PRKCZ: variants seen among roughly 807,000 people sequenced by gnomAD.
The protein encoded by PRKCZ is protein kinase C zeta type.
In PRKCZ, 33 loss-of-function variants were observed where a neutral mutation model predicts 79.5. The ratio of observed to expected loss-of-function variants is 0.41; its 90% confidence interval spans 0.31 to 0.55. The LOEUF (loss-of-function observed/expected upper bound fraction) is 0.55. Ranked by LOEUF, PRKCZ falls within the 20% of genes least tolerant of loss-of-function variation. PRKCZ has a pLI of 0.19. For missense variants in PRKCZ, 578 were observed against 813.5 expected (o/e 0.71, Z 3.52); for synonymous variants, 342 against 320.9 (o/e 1.07, Z -0.70).
intron 4 of PRKCZ, among the ~76,000 whole-genome samples, chr1:2,081,239 C>T (rs1224930984): frequency 6.6e-6 from 1 of 152,216 alleles, no homozygotes; most frequent in African/African-American, 2.4e-5. Flanking sequence ...CAATTTCATA[C>T]TTGGGTTAGA....
chr1:2,115,063 C>CA (rs1670483852), intron 4 of PRKCZ, among the ~76,000 whole-genome samples: 1 of 152,282 alleles, frequency 6.6e-6, no homozygotes, highest in East Asian at 1.9e-4. Flanking sequence ...GAGGTGACCC[C>CA]AGGCGTAACC....
chr1:2,133,518 C>T (rs557079042), intron 4 of PRKCZ: 15 of 147,284 alleles, frequency 1.0e-4, no homozygotes, highest in African/African-American at 3.8e-4. Context: ...GTGCGCCCGC[C>T]CCTTGGTTCC....
At chr1:2,147,721 T>A (rs1014539485) in intron 7 of PRKCZ, among the ~76,000 whole-genome samples, 46 of 130,298 alleles carry the variant, frequency 3.5e-4, no homozygotes, top group African/African-American at 7.0e-4. Context: ...ATCTGTCTGT[T>A]GTCCACTGAC....
At chr1:2,081,075 C>CGTGCT (rs1371588096) in intron 4 of PRKCZ, among the ~76,000 whole-genome samples, 4 of 152,228 alleles carry the variant, frequency 2.6e-5, no homozygotes, top group African/African-American at 9.6e-5. Flanking sequence ...CCTCTTCCCC[C>CGTGCT]GTGCTGTCCT....
At chr1:2,184,038 C>A in intron 16 of PRKCZ, 1 of 154,170 alleles carries the variant, frequency 6.5e-6, no homozygotes, top group Non-Finnish European at 1.4e-5. Context: ...TCTGCCCTCC[C>A]CGGCACAGGC....
chr1:2,174,900 C>A lies in PRKCZ; in HGVS notation c.1485+67C>A. 6.6e-7 allele frequency: 1 copy of A among 1,521,878 alleles called. No homozygotes were observed. Among genetic ancestry groups the A allele is most frequent in the Non-Finnish European group, 9.1e-7 (1 of 1,099,392 alleles). The allele number at this position is 1,521,878 out of a possible 1,614,324, so 94.3% of individuals were successfully genotyped here. On this transcript the variant is annotated intron_variant, in intron 15 of 17. Transcript: ENST00000378567. This position sits in a 1 kb window ranked among gnomAD's most constrained non-coding sequence, Gnocchi z 6.2. ...CGGTGTTGGTGGGCAGAGGGCCAGGCACGGCTGTTGGCCATTTTTTCATGT... is the reference window on the plus strand; with the variant it reads ...CGGTGTTGGTGGGCAGAGGGCCAGGAACGGCTGTTGGCCATTTTTTCATGT...
At chr1:2,109,750 T>G (rs1045046630) in intron 4 of PRKCZ, among the ~76,000 whole-genome samples, 1 of 152,086 alleles carries the variant, frequency 6.6e-6, no homozygotes, top group Admixed American at 6.5e-5. Flanking sequence ...CAGCCCAGCC[T>G]GTAGAGGCAG....
At chr1:2,074,894 A>G (rs1192147461) in intron 4 of PRKCZ, 16 of 151,906 alleles carry the variant, frequency 1.1e-4, no homozygotes, top group Admixed American at 1.0e-3. Context: ...CCAAAACAAC[A>G]ACCAGCCTCC....
chr1:2,052,882 A>T (rs1320592222), intron 1 of PRKCZ, among the ~76,000 whole-genome samples: 1 of 152,088 alleles, frequency 6.6e-6, no homozygotes, highest in Non-Finnish European at 1.5e-5. Flanking sequence ...AGTCACCCCC[A>T]TGGGGCATGG....
chr1:2,155,910 G>C (rs540482116), intron 9 of PRKCZ, 85 bp from the exon 10 acceptor site: 2 of 1,160,792 alleles, frequency 1.7e-6, no homozygotes, highest in East Asian at 4.7e-5. Context: ...GGAGGAAAGA[G>C]ACTCCTCCCT....
At chr1:2,097,652 T>C (rs1345568225) in intron 4 of PRKCZ, among the ~76,000 whole-genome samples, 2 of 151,956 alleles carry the variant, frequency 1.3e-5, no homozygotes, top group Non-Finnish European at 2.9e-5. Context: ...CCCCAGCCCA[T>C]GCACCCCGGA....
At chr1:2,104,704 C>T (rs955102755) in intron 4 of PRKCZ, 19 of 985,660 alleles carry the variant, frequency 1.9e-5, no homozygotes, top group South Asian at 9.4e-5. Context: ...CCTGCCCTGG[C>T]GAGGGGTGGT....
intron 3 of PRKCZ, among the ~76,000 whole-genome samples, chr1:2,059,052 C>CA (rs1660438397): frequency 6.6e-6 from 1 of 152,192 alleles, no homozygotes; most frequent in Non-Finnish European, 1.5e-5. Flanking sequence ...ATCTCGGCCT[C>CA]CCAAAGTGCT....
In PRKCZ at chr1:2,168,886, T is replaced by G; in HGVS notation, c.975-632T>G. The stretch of plus-strand genomic sequence containing the variant: ...GAGTCTCATGAAATGTAGGAAAAGA[T>G]CTTATTAGGAAGAGAAACCATGTGG... On this transcript the variant is annotated intron_variant, in intron 10 of 17. Coordinates refer to ENST00000378567, the MANE Select transcript of PRKCZ (RefSeq NM_002744.6). This position sits in a 1 kb window ranked among gnomAD's most constrained non-coding sequence, Gnocchi z 4.7. 4.2e-6 allele frequency: 1 copy of G among 239,634 alleles called. No individual in the cohort carries two copies. Among genetic ancestry groups the G allele is most frequent in the Non-Finnish European group, 8.7e-6 (1 of 114,680 alleles). 14.8% of individuals were successfully genotyped at this position (239,634 alleles called of 1,614,324 possible).
At chr1:2,069,159 C>T (rs554292471) in intron 4 of PRKCZ, among the ~76,000 whole-genome samples, 46 of 152,362 alleles carry the variant, frequency 3.0e-4, no homozygotes, top group African/African-American at 9.9e-4. Flanking sequence ...CCGGCACCTC[C>T]GTCAGCCCCG....
In PRKCZ at chr1:2,150,965, T is replaced by C. The variant is rs1186953168; in HGVS notation, c.863T>C (p.Val288Ala). ...YAMKVVKKEL[V>A]HDDEDIDWVQ... ...ATGAAAGTGGTGAAGAAAGAGCTGG[T>C]GCATGATGACGAGGTAGGTGCCGCT... Residue 288 changes from valine (V) to alanine (A), a missense_variant, in exon 9 of 18, where the codon GTG (valine) becomes GCG (alanine). Around this residue, in one of 4 missense-constraint regions of PRKCZ, gnomAD observed 243 missense variants for 467.0 expected, o/e 0.52. Coordinates refer to ENST00000378567, the MANE Select transcript of PRKCZ (RefSeq NM_002744.6). 1.2e-6 allele frequency: 2 copies of C among 1,613,652 alleles called. No homozygotes were observed. The highest frequency in any genetic ancestry group is 2.7e-5 in the African/African-American group (2 of 74,936).
chr1:2,084,551 C>T (rs923018549), intron 4 of PRKCZ, among the ~76,000 whole-genome samples: 2 of 152,242 alleles, frequency 1.3e-5, no homozygotes, highest in Non-Finnish European at 2.9e-5. Context: ...GCCCACCCGC[C>T]TGCGGTCCTG....
At chr1:2,116,982 C>T (rs2102781115) in intron 4 of PRKCZ, among the ~76,000 whole-genome samples, 1 of 152,216 alleles carries the variant, frequency 6.6e-6, no homozygotes, top group Non-Finnish European at 1.5e-5. Flanking sequence ...GACAGGACCT[C>T]ACTCTTGCCC....
In PRKCZ at chr1:2,177,217, C is replaced by T. The variant is rs997120720; in HGVS notation, c.1575+1904C>T. Among the ~76,000 whole-genome samples the T allele has an allele frequency of 6.6e-6, 1 of 152,132 alleles. No homozygotes were observed. Among genetic ancestry groups the T allele is most frequent in the Non-Finnish European group, 1.5e-5 (1 of 68,026 alleles). On this transcript the variant is annotated intron_variant, in intron 16 of 17. Transcript: ENST00000378567. The surrounding 1 kb of genome is among the most constrained non-coding windows in gnomAD (Gnocchi z 6.4). Reference sequence around the variant, plus strand: ...TCCCCTTGTCTCTGGCCCACAGAACCCCTCCGGTCCACACACACACTCAGG... The same window carrying T: ...TCCCCTTGTCTCTGGCCCACAGAACTCCTCCGGTCCACACACACACTCAGG...
Sources: allele counts gnomAD v4.1 joint callset (sites outside exome capture counted in the v4.1 genomes callset), GRCh38; gene constraint gnomAD v4.1.1; regional missense constraint gnomAD v4.1.1; non-coding constraint Gnocchi (gnomAD v3.1); transcripts MANE v1.5; gene names NCBI Gene and HGNC (gene_info 2026-07-23, HGNC 2026-07-21).